The following SLX4IP variants were observed in gnomAD, a reference collection of about 807,000 sequenced individuals.
SLX4IP encodes the protein protein SLX4IP.
A neutral mutation model predicts 32.9 loss-of-function variants in SLX4IP; 34 were observed. The ratio of observed to expected loss-of-function variants is 1.03; its 90% CI spans 0.79 to 1.38. SLX4IP has a LOEUF of 1.38. Ranked by LOEUF, SLX4IP falls within the 40% of genes most tolerant of loss-of-function variation. The pLI, the probability that SLX4IP is intolerant of heterozygous loss-of-function variation, is 0.00. For missense variants in SLX4IP, 444 were observed against 479.0 expected, an observed-to-expected ratio of 0.93 and a Z score of 0.68; for synonymous variants, 172 against 171.7, an observed-to-expected ratio of 1.00 and a Z score of -0.01.
At chr20:10,615,981 G>A (rs921812892) in intron 6 of SLX4IP, among the ~76,000 whole-genome samples, 1 of 152,040 alleles carries the variant, frequency 6.6e-6, no homozygotes, top group African/African-American at 2.4e-5. Flanking sequence ...CCATCACATT[G>A]GCAGCACCTG....
At chr20:10,570,776 G>A (rs1443843215) in intron 4 of SLX4IP, among the ~76,000 whole-genome samples, 4 of 152,044 alleles carry the variant, frequency 2.6e-5, no homozygotes, top group Non-Finnish European at 4.4e-5. Context: ...TGACCCACCC[G>A]CCTTGGCCTT....
chr20:10,458,180 G>C lies in SLX4IP; in HGVS notation c.-25G>C. 1 of 1,567,340 alleles carries C rather than the reference G, an allele frequency of 6.4e-7. No homozygotes were observed. On this transcript the variant is annotated 5_prime_UTR_variant, in exon 2 of 8. Coordinates refer to ENST00000334534, the MANE Select transcript of SLX4IP (RefSeq NM_001009608.3). Reference sequence around the variant, plus strand: ...TAACTTTTTTTTTTCTTAAAGGTCTGTAGTTACTGTGGAATCAATAAGCCA... The same window carrying C: ...TAACTTTTTTTTTTCTTAAAGGTCTCTAGTTACTGTGGAATCAATAAGCCA...
intron 2 of SLX4IP, among the ~76,000 whole-genome samples, chr20:10,552,173 C>T (rs1364146637): frequency 1.3e-5 from 2 of 152,132 alleles, no homozygotes; most frequent in African/African-American, 2.4e-5. Context: ...CAGCCCAGTG[C>T]ATGCAATGTG....
chr20:10,610,068 T>C (rs2066948664), intron 6 of SLX4IP, among the ~76,000 whole-genome samples: 1 of 152,204 alleles, frequency 6.6e-6, no homozygotes, highest in Non-Finnish European at 1.5e-5. Context: ...ATGTCCAAGT[T>C]TGTCACACTT....
At chr20:10,473,267 G>A (rs998671558) in intron 2 of SLX4IP, among the ~76,000 whole-genome samples, 2 of 152,212 alleles carry the variant, frequency 1.3e-5, no homozygotes, top group African/African-American at 4.8e-5. Context: ...ACTGGGGTCA[G>A]AAAGCTCAGC....
chr20:10,557,018 T>A (rs1337408338), intron 3 of SLX4IP, among the ~76,000 whole-genome samples: 1 of 152,228 alleles, frequency 6.6e-6, no homozygotes, highest in Non-Finnish European at 1.5e-5. Flanking sequence ...ACCATTGCTT[T>A]GCCTCCTTCT....
chr20:10,590,409 G>A (rs1212375732), intron 4 of SLX4IP, among the ~76,000 whole-genome samples: 1 of 151,860 alleles, frequency 6.6e-6, no homozygotes, highest in Non-Finnish European at 1.5e-5. Flanking sequence ...CACCCAGGCT[G>A]GAGTGCAGTG....
intron 2 of SLX4IP, among the ~76,000 whole-genome samples, chr20:10,545,454 G>A (rs1452018780): frequency 6.6e-6 from 1 of 152,014 alleles, no homozygotes. Context: ...TAGCCCCCTT[G>A]ATACACAGTA....
In SLX4IP at chr20:10,497,232, T is replaced by G. The variant is rs74816026; in HGVS notation, c.27+39001T>G. ...AAATTACTTTGCATTGAATCTTGGA[T>G]GGCAGTTTATTTTACATGAGTATGA... On this transcript the variant is annotated intron_variant, in intron 2 of 7. Coordinates refer to ENST00000334534, the MANE Select transcript of SLX4IP (RefSeq NM_001009608.3). 9.2e-5 allele frequency among the ~76,000 whole-genome samples: 14 copies of G among 152,306 alleles called. No individual in the cohort carries two copies. In the East Asian group the frequency reaches 2.7e-3, roughly 29 times the overall value.
chr20:10,495,883 GT>G (rs766680181), intron 2 of SLX4IP, among the ~76,000 whole-genome samples: 3 of 150,584 alleles, frequency 2.0e-5, no homozygotes, highest in African/African-American at 4.9e-5. Flanking sequence ...AAATAGCTGG[GT>G]TTTTTTTTGT....
intron 1 of SLX4IP, among the ~76,000 whole-genome samples, chr20:10,437,480 A>G (rs2065124947): frequency 6.6e-6 from 1 of 152,206 alleles, no homozygotes; most frequent in Non-Finnish European, 1.5e-5. Context: ...TTATGTTGCT[A>G]TGTTAGATTT....
intron 6 of SLX4IP, among the ~76,000 whole-genome samples, chr20:10,607,537 A>G (rs1294703068): frequency 6.6e-6 from 1 of 152,098 alleles, no homozygotes; most frequent in Non-Finnish European, 1.5e-5. Context: ...TCCCTTTCCA[A>G]TCAGTTAAGG....
intron 4 of SLX4IP, among the ~76,000 whole-genome samples, chr20:10,578,991 T>A (rs1022641837): frequency 6.6e-6 from 1 of 152,192 alleles, no homozygotes; most frequent in African/African-American, 2.4e-5. Flanking sequence ...GCTATATGAT[T>A]TATAACATTT....
chr20:10,556,110 T>A (rs2122496527), intron 2 of SLX4IP, 121 bp from the exon 3 acceptor site: 1 of 753,794 alleles, frequency 1.3e-6, no homozygotes, highest in East Asian at 2.7e-5. Context: ...AAGTTCTGTC[T>A]AGTAGTGAAC....
chr20:10,540,117 TTCC>T (rs1364611710), intron 2 of SLX4IP, among the ~76,000 whole-genome samples: 1 of 148,578 alleles, frequency 6.7e-6, no homozygotes, highest in African/African-American at 2.5e-5. Flanking sequence ...CCTTCCTTCC[TTCC>T]TTCCTTCCTT....
intron 2 of SLX4IP, among the ~76,000 whole-genome samples, chr20:10,530,572 A>G (rs2122463332): frequency 6.6e-6 from 1 of 152,364 alleles, no homozygotes; most frequent in East Asian, 1.9e-4. Flanking sequence ...GACCACACGT[A>G]AATTGAGAAA....
In SLX4IP at chr20:10,560,833, C is replaced by A; in HGVS notation, c.238+13C>A. On this transcript the variant is annotated intron_variant, in intron 4 of 7. Coordinates refer to ENST00000334534, the MANE Select transcript of SLX4IP (RefSeq NM_001009608.3). ...TTGTCCTTAAAAGGTAGGCACAGAG[C>A]ACTTTGATTTTGGACAAAAAATAAA... 1 of 1,559,452 alleles carries A rather than the reference C, an allele frequency of 6.4e-7. No homozygotes were observed. The highest frequency in any genetic ancestry group is 8.6e-7 in the Non-Finnish European group (1 of 1,157,508).
At position 10,466,452 on chromosome 20, in the gene SLX4IP, C is replaced by T. The variant is rs564941660; in HGVS notation, c.27+8221C>T. 9.9e-5 allele frequency among the ~76,000 whole-genome samples: 15 copies of T among 152,262 alleles called. No homozygotes were observed. The South Asian group carries it at 1.5e-3, about 15-fold the overall frequency. On this transcript the variant is annotated intron_variant, in intron 2 of 7. Transcript: ENST00000334534. ...GCTTTCTCTGCTGCTTCCCTTCCCC[C>T]CCAACCTACTTTATTGTGGGTGGGA...
chr20:10,556,360 C>T, intron 3 of SLX4IP, 40 bp downstream of exon 3: 1 of 1,554,652 alleles, frequency 6.4e-7, no homozygotes, highest in Non-Finnish European at 8.8e-7. Flanking sequence ...CAAGTAGCTG[C>T]TGCTGCTATA....
Sources: allele counts gnomAD v4.1 joint callset (sites outside exome capture counted in the v4.1 genomes callset), GRCh38; gene constraint gnomAD v4.1.1; transcripts MANE v1.5; gene names NCBI Gene and HGNC (gene_info 2026-07-23, HGNC 2026-07-21).